The following GPC6 variants were observed in gnomAD, a reference collection of about 807,000 sequenced individuals.
GPC6 encodes the protein glypican 6.
In GPC6, 14 loss-of-function variants were observed where a neutral mutation model predicts 55.2. The observed-to-expected ratio is 0.25, with a 90% CI of 0.17 to 0.40. The LOEUF is 0.40. GPC6 is among the 10% of genes least tolerant of loss of function. The pLI, the probability that GPC6 is intolerant of heterozygous loss-of-function variation, is 1.00. For missense variants in GPC6, 641 were observed against 708.5 expected, an observed-to-expected ratio of 0.90 and a Z score of 1.08; for synonymous variants, 278 against 259.6, an observed-to-expected ratio of 1.07 and a Z score of -0.68.
At chr13:93,866,302 C>G (rs943261333) in intron 3 of GPC6, among the ~76,000 whole-genome samples, 1 of 151,600 alleles carries the variant, frequency 6.6e-6, no homozygotes, top group Non-Finnish European at 1.5e-5. Context: ...AACACAAAAC[C>G]GATTCATGAA....
At chr13:93,723,414 A>G (rs1185778297) in intron 2 of GPC6, among the ~76,000 whole-genome samples, 1 of 151,926 alleles carries the variant, frequency 6.6e-6, no homozygotes, top group Non-Finnish European at 1.5e-5. Context: ...TTACCTAGCA[A>G]CTCACTTCTA....
intron 6 of GPC6, among the ~76,000 whole-genome samples, chr13:94,331,192 G>A (rs767911804): frequency 1.1e-4 from 16 of 152,080 alleles, no homozygotes; most frequent in South Asian, 2.1e-4. Flanking sequence ...TATGACCTAC[G>A]GGCCGAGCCA....
chr13:93,615,199 C>A (rs1052839053), intron 2 of GPC6, among the ~76,000 whole-genome samples: 2 of 151,970 alleles, frequency 1.3e-5, no homozygotes, highest in Admixed American at 1.3e-4. Flanking sequence ...AGAATTTAAC[C>A]CTAACCAGGT....
At chr13:93,755,742 C>T (rs1267828494) in intron 2 of GPC6, among the ~76,000 whole-genome samples, 1 of 152,074 alleles carries the variant, frequency 6.6e-6, no homozygotes, top group Non-Finnish European at 1.5e-5. Context: ...GTTGAGCCAT[C>T]GTAGTGAATA....
chr13:94,352,683 G>A (rs1167860425), intron 6 of GPC6, among the ~76,000 whole-genome samples: 1 of 152,094 alleles, frequency 6.6e-6, no homozygotes, highest in Admixed American at 6.5e-5. Flanking sequence ...TATTCCTTAT[G>A]GCTTTTCTAC....
intron 3 of GPC6, among the ~76,000 whole-genome samples, chr13:94,013,551 T>C (rs1882336468): frequency 6.6e-6 from 1 of 152,146 alleles, no homozygotes; most frequent in Non-Finnish European, 1.5e-5. Flanking sequence ...GGTTTCTCCA[T>C]GTTGGTCAGG....
chr13:93,292,714 G>A (rs143361387), intron 1 of GPC6, among the ~76,000 whole-genome samples: 2 of 151,492 alleles, frequency 1.3e-5, no homozygotes, highest in African/African-American at 2.4e-5. Context: ...TACTTTAAAT[G>A]TATAATTACC....
intron 1 of GPC6, among the ~76,000 whole-genome samples, chr13:93,311,933 T>C (rs1879082004): frequency 1.3e-5 from 2 of 151,988 alleles, no homozygotes; most frequent in African/African-American, 4.8e-5. Flanking sequence ...CAATTTTAGC[T>C]CCTGATGGGA....
At chr13:93,560,961 A>G (rs745435543) in intron 2 of GPC6, among the ~76,000 whole-genome samples, 24 of 152,096 alleles carry the variant, frequency 1.6e-4, no homozygotes, top group Non-Finnish European at 3.4e-4. Context: ...TTTCTTATGT[A>G]TTTGAACAAC....
chr13:93,552,562 A>C (rs1875218080), intron 2 of GPC6, among the ~76,000 whole-genome samples: 1 of 151,888 alleles, frequency 6.6e-6, no homozygotes, highest in African/African-American at 2.4e-5. Context: ...GCTGATCATC[A>C]GCTCTGGCTT....
At chr13:93,995,045 A>G (rs951536042) in intron 3 of GPC6, among the ~76,000 whole-genome samples, 8 of 152,262 alleles carry the variant, frequency 5.3e-5, no homozygotes, top group African/African-American at 1.9e-4. Flanking sequence ...CATGAGGTTG[A>G]TATAATTTTT....
intron 1 of GPC6, among the ~76,000 whole-genome samples, chr13:93,308,279 C>G (rs946892770): frequency 6.6e-6 from 1 of 152,172 alleles, no homozygotes; most frequent in African/African-American, 2.4e-5. Flanking sequence ...AGTGAGACTC[C>G]ATCTCAGAAA....
chr13:94,017,357 T>C (rs1436959631), intron 3 of GPC6, among the ~76,000 whole-genome samples: 1 of 152,202 alleles, frequency 6.6e-6, no homozygotes, highest in Non-Finnish European at 1.5e-5. Flanking sequence ...AGAGGTTTAA[T>C]GGACTCACAT....
At chr13:94,220,474 A>G (rs556020381) in intron 4 of GPC6, among the ~76,000 whole-genome samples, 1 of 152,276 alleles carries the variant, frequency 6.6e-6, no homozygotes, top group Non-Finnish European at 1.5e-5. Context: ...CAATATTGGT[A>G]TAGATAACAA....
At chr13:93,839,023 A>G (rs1329470241) in intron 3 of GPC6, among the ~76,000 whole-genome samples, 1 of 152,224 alleles carries the variant, frequency 6.6e-6, no homozygotes, top group Non-Finnish European at 1.5e-5. Flanking sequence ...GAACCAGCAA[A>G]GCACGCCCTC....
intron 2 of GPC6, among the ~76,000 whole-genome samples, chr13:93,560,423 G>A (rs1875717335): frequency 6.6e-6 from 1 of 152,026 alleles, no homozygotes; most frequent in Non-Finnish European, 1.5e-5. Context: ...TGTAGGCTGA[G>A]TGGGGAGGAT....
At chr13:93,669,297 G>A (rs921796269) in intron 2 of GPC6, among the ~76,000 whole-genome samples, 9 of 152,152 alleles carry the variant, frequency 5.9e-5, no homozygotes, top group Admixed American at 5.2e-4. Flanking sequence ...GGCATCTCTT[G>A]TGATTTTAAA....
At chr13:93,249,496 G>A (rs1412726396) in intron 1 of GPC6, among the ~76,000 whole-genome samples, 3 of 152,212 alleles carry the variant, frequency 2.0e-5, no homozygotes, top group Admixed American at 6.5e-5. Context: ...GAACATGAAG[G>A]CCTTTAAAAG....
rs142489575 is a variant in GPC6, at chr13:93,644,019, A to G, written c.319+98598A>G. ...TCTGATGTCCTTGTTCTGAGTGGTA[A>G]TTTATCACTTTAAGCTATGTAATCC... On this transcript the variant is annotated intron_variant, in intron 2 of 8. Coordinates refer to ENST00000377047, the MANE Select transcript of GPC6 (RefSeq NM_005708.5). Among the ~76,000 whole-genome samples, 756 of 152,130 alleles carry G rather than the reference A, an allele frequency of 5.0e-3. 6 individuals are homozygous for G. Among genetic ancestry groups the G allele is most frequent in the African/African-American group, 0.017 (697 of 41,518 alleles).
Sources: gnomAD v4.1 joint callset for allele counts (sites outside exome capture counted in the v4.1 genomes callset) on GRCh38, gnomAD v4.1.1 for gene constraint, MANE v1.5 for transcripts, NCBI Gene and HGNC (gene_info 2026-07-23, HGNC 2026-07-21) for gene names.